Variants in BTNL8 observed in about 807,000 individuals in gnomAD.
The protein encoded by BTNL8 is butyrophilin like 8.
Under a neutral mutation model 36.1 loss-of-function variants are expected in BTNL8, and 22 were observed. The ratio of observed to expected loss-of-function variants is 0.61; its 90% CI spans 0.44 to 0.87. The LOEUF (loss-of-function observed/expected upper bound fraction) is 0.87. BTNL8 is among the 40% of genes least tolerant of loss of function. The pLI is 0.00. For missense variants in BTNL8, 526 were observed against 616.9 expected (o/e 0.85, Z 1.56); for synonymous variants, 203 against 235.6 (o/e 0.86, Z 1.27).
At chr5:180,915,599 C>T (rs961730230) in intron 3 of BTNL8, among the ~76,000 whole-genome samples, 8 of 152,118 alleles carry the variant, frequency 5.3e-5, no homozygotes, top group Non-Finnish European at 1.2e-4. Flanking sequence ...CTTTGTCTAC[C>T]AAAGTCTGCC....
At chr5:180,905,029 T>C (rs1311024286) in intron 1 of BTNL8, among the ~76,000 whole-genome samples, 1 of 150,660 alleles carries the variant, frequency 6.6e-6, no homozygotes, top group South Asian at 2.1e-4. Flanking sequence ...ATCAGAATGA[T>C]GCTAGCCTCA....
chr5:180,934,367 G>A (rs1484429347), intron 3 of BTNL8, among the ~76,000 whole-genome samples: 1 of 152,220 alleles, frequency 6.6e-6, no homozygotes, highest in African/African-American at 2.4e-5. Context: ...CTTTTCCTCT[G>A]GAAACCTTTG....
At position 180,949,490 on chromosome 5, in the gene BTNL8, G is replaced by A. The variant is rs1436639540; in HGVS notation, c.862+225G>A. ...GACAGGGGCTGGGTAAACGGGAGAC[G>A]GGGGGGTCTTTGGCACAGTTTCAGG... On this transcript the variant is annotated intron_variant, in intron 7 of 7. Coordinates refer to ENST00000340184, the MANE Select transcript of BTNL8 (RefSeq NM_001040462.3). The A allele has an allele frequency of 3.5e-5, 23 of 650,498 alleles. 3 individuals are homozygous for A. The highest frequency in any genetic ancestry group is 6.9e-5 in the African/African-American group (2 of 29,156). 40.3% of individuals were successfully genotyped at this position (650,498 alleles called of 1,614,324 possible).
chr5:180,917,623 G>C (rs1757694703), intron 3 of BTNL8, among the ~76,000 whole-genome samples: 1 of 151,454 alleles, frequency 6.6e-6, no homozygotes, highest in African/African-American at 2.4e-5. Context: ...AAAAATACCA[G>C]ACCAGTAATT....
At chr5:180,911,254 G>A (rs1317908594) in intron 2 of BTNL8, 85 bp from the exon 3 acceptor site, 3 of 1,550,488 alleles carry the variant, frequency 1.9e-6, no homozygotes, top group African/African-American at 2.7e-5. Context: ...AATGGGTGGG[G>A]GGTGGACTGA....
chr5:180,900,136 G>A (rs191898216), intron 1 of BTNL8, among the ~76,000 whole-genome samples: 1 of 152,282 alleles, frequency 6.6e-6, no homozygotes, highest in African/African-American at 2.4e-5. Context: ...ACCCATATGT[G>A]TTACTAACAG....
rs139462640 is a variant in BTNL8 at position 180,937,888 on chromosome 5, G to A, written c.674-9624G>A. Among the ~76,000 whole-genome samples, 309 of 151,062 alleles carry A rather than the reference G, an allele frequency of 2.0e-3. 2 individuals carry two copies. The highest frequency in any genetic ancestry group is 7.3e-3 in the African/African-American group (300 of 41,178). Reference sequence around the variant, plus strand: ...AGAAATGGAGAATTTAACAAAATCAGGAAAACAATTTTTCATCTAAATGAA... The same window carrying A: ...AGAAATGGAGAATTTAACAAAATCAAGAAAACAATTTTTCATCTAAATGAA... On this transcript the variant is annotated intron_variant, in intron 3 of 7. Coordinates refer to ENST00000340184, the MANE Select transcript of BTNL8 (RefSeq NM_001040462.3).
intron 3 of BTNL8, among the ~76,000 whole-genome samples, chr5:180,917,751 G>A (rs1341539447): frequency 6.6e-6 from 1 of 152,126 alleles, no homozygotes; most frequent in Non-Finnish European, 1.5e-5. Flanking sequence ...AAAATTAGCT[G>A]GGCGTGGTGG....
intron 3 of BTNL8, among the ~76,000 whole-genome samples, chr5:180,937,308 G>A (rs1002788656): frequency 6.6e-6 from 1 of 152,202 alleles, no homozygotes; most frequent in African/African-American, 2.4e-5. Flanking sequence ...CAGCCTAGCT[G>A]GTGGCCCCAG....
At chr5:180,923,370 T>A (rs1238247518) in intron 3 of BTNL8, among the ~76,000 whole-genome samples, 2 of 152,136 alleles carry the variant, frequency 1.3e-5, no homozygotes, top group African/African-American at 4.8e-5. Context: ...ATTACCTTAA[T>A]AAGTTAAAGG....
At chr5:180,905,362 C>T (rs10479585) in intron 1 of BTNL8, among the ~76,000 whole-genome samples, 6,215 of 131,572 alleles carry the variant, frequency 0.047, 455 homozygotes, top group African/African-American at 0.19. Context: ...TCTGTGGGAT[C>T]GGTGGTGATA....
In BTNL8 at chr5:180,935,867, G is replaced by C. The variant is rs1388127910; in HGVS notation, c.674-11645G>C. ...ACATCATACTTAAACATGAAAAGTG[G>C]AACACTTTTCCTGCTAGATCAGGGA... On this transcript the variant is annotated intron_variant, in intron 3 of 7. Coordinates refer to ENST00000340184, the MANE Select transcript of BTNL8 (RefSeq NM_001040462.3). This position sits in a 1 kb window ranked among gnomAD's most constrained non-coding sequence, Gnocchi z 4.8. Among the ~76,000 whole-genome samples, 1 of 151,902 alleles carries C rather than the reference G, an allele frequency of 6.6e-6. No homozygotes were observed. Among genetic ancestry groups the C allele is most frequent in the African/African-American group, 2.4e-5 (1 of 41,346 alleles).
intron 3 of BTNL8, among the ~76,000 whole-genome samples, chr5:180,927,983 A>G (rs535671121): frequency 1.3e-5 from 2 of 152,308 alleles, no homozygotes; most frequent in South Asian, 2.1e-4. Context: ...AATACAGAGA[A>G]CACCACAAAG....
intron 3 of BTNL8, among the ~76,000 whole-genome samples, chr5:180,943,686 T>A (rs1395191015): frequency 6.6e-6 from 1 of 152,134 alleles, no homozygotes. Context: ...ACTATGGAGA[T>A]TTCTCAAAAC....
intron 3 of BTNL8, among the ~76,000 whole-genome samples, chr5:180,912,621 C>T (rs1310216912): frequency 2.0e-5 from 3 of 152,066 alleles, no homozygotes; most frequent in African/African-American, 7.2e-5. Flanking sequence ...CCCAGCTACT[C>T]AGGAGGCTGA....
intron 3 of BTNL8, among the ~76,000 whole-genome samples, chr5:180,930,951 G>GA (rs1172433172): frequency 1.3e-5 from 2 of 152,040 alleles, no homozygotes; most frequent in African/African-American, 4.8e-5. Context: ...CACAGAATTG[G>GA]AAAAAACTAC....
chr5:180,934,946 G>GGTGA (rs3031535), intron 3 of BTNL8, among the ~76,000 whole-genome samples: 67,905 of 151,638 alleles, frequency 0.45, 16,258 homozygotes, highest in African/African-American at 0.63. Context: ...ACAACTGGAG[G>GGTGA]GTAAGGCAGT....
chr5:180,907,778 G>A lies in BTNL8; in HGVS notation c.50-808G>A, dbSNP rs543525826. ...TGCAGGTCTGTTGGAGTACCCTGCCGTGTGAGGTGTCAGTGTGCCCCTGCT... is the reference window on the plus strand; with the variant it reads ...TGCAGGTCTGTTGGAGTACCCTGCCATGTGAGGTGTCAGTGTGCCCCTGCT... On this transcript the variant is annotated intron_variant, in intron 1 of 7. Coordinates refer to ENST00000340184, the MANE Select transcript of BTNL8 (RefSeq NM_001040462.3). Among the ~76,000 whole-genome samples, 19 of 151,870 alleles carry A rather than the reference G, an allele frequency of 1.3e-4. No homozygotes were observed. The South Asian group carries it at 1.5e-3, about 12-fold the overall frequency.
At position 180,902,231 on chromosome 5, in the gene BTNL8, G is replaced by A; in HGVS notation, c.49+2872G>A. ...CAAATGGGCAGATGGGAGAGAATGT[G>A]GCAATAGAACCTCCTGGAATCAAAG... On this transcript the variant is annotated intron_variant, in intron 1 of 7. Coordinates refer to ENST00000340184, the MANE Select transcript of BTNL8 (RefSeq NM_001040462.3). 2.3e-6 allele frequency: 2 copies of A among 866,032 alleles called. 1 individual carries two copies. The highest frequency in any genetic ancestry group is 5.8e-5 in the Admixed American group (2 of 34,460). 53.6% of individuals were successfully genotyped at this position (866,032 alleles called of 1,614,324 possible).
Sources: gnomAD v4.1 joint callset for allele counts (sites outside exome capture counted in the v4.1 genomes callset) on GRCh38, gnomAD v4.1.1 for gene constraint, Gnocchi (gnomAD v3.1) non-coding constraint, MANE v1.5 for transcripts, NCBI Gene and HGNC (gene_info 2026-07-23, HGNC 2026-07-21) for gene names.